TNKS: variants seen among roughly 807,000 people sequenced by gnomAD.
TNKS encodes the protein tankyrase.
A neutral mutation model predicts 135.8 loss-of-function variants in TNKS; 72 were observed. That is an observed-to-expected ratio of 0.53 (90% CI 0.44 to 0.64). TNKS has a LOEUF of 0.64. Among genes scored for constraint, TNKS ranks in the 30% least tolerant of loss-of-function variants. The pLI is 0.00. For missense variants in TNKS, 1,769 were observed against 1,674.0 expected (o/e 1.06, Z -0.99); for synonymous variants, 849 against 649.3 (o/e 1.31, Z -4.68).
At chr8:9,751,477 G>T (rs1033292480) in intron 18 of TNKS, 132 bp from the exon 19 acceptor site, 3 of 707,232 alleles carry the variant, frequency 4.2e-6, no homozygotes, top group Non-Finnish European at 7.0e-6. Flanking sequence ...GAGAAGGAAT[G>T]ATCAAAAACC....
At chr8:9,740,120 G>T (rs1286396163) in intron 17 of TNKS, among the ~76,000 whole-genome samples, 6 of 145,646 alleles carry the variant, frequency 4.1e-5, no homozygotes, top group South Asian at 4.6e-4. Context: ...GTCATCAGTT[G>T]TAAGAGGAAG....
In TNKS at chr8:9,763,220, A is replaced by G. The variant is rs758224154; in HGVS notation, c.3348A>G (p.Lys1116=). 6.2e-7 allele frequency: 1 copy of G among 1,609,302 alleles called. No homozygotes were observed. The highest frequency in any genetic ancestry group is 2.2e-5 in the East Asian group (1 of 44,832). ...TGCTGGATCTTGCTCCAGAAGATAAAGAATATCAGTCAGTGGAAGAAGAGG... is the reference window on the plus strand; with the variant it reads ...TGCTGGATCTTGCTCCAGAAGATAAGGAATATCAGTCAGTGGAAGAAGAGG... ...TILLDLAPED[K]EYQSVEEEMQ... Residue 1116 remains lysine, a synonymous_variant, in exon 22 of 27, where the codon AAA becomes AAG. Transcript: ENST00000310430.
intron 3 of TNKS, among the ~76,000 whole-genome samples, chr8:9,661,195 G>C (rs1412341815): frequency 6.6e-6 from 1 of 151,916 alleles, no homozygotes; most frequent in African/African-American, 2.4e-5. Context: ...TCCCCATCAA[G>C]CTACCAATGA....
At chr8:9,732,606 A>T (rs9644707) in intron 14 of TNKS, among the ~76,000 whole-genome samples, 89,130 of 150,868 alleles carry the variant, frequency 0.59, 26,563 homozygotes, top group Middle Eastern at 0.71. Flanking sequence ...AATGCACTTG[A>T]TACTTTGCTT....
intron 20 of TNKS, among the ~76,000 whole-genome samples, chr8:9,760,662 C>A (rs186326477): frequency 3.3e-5 from 5 of 152,104 alleles, no homozygotes; most frequent in Non-Finnish European, 5.9e-5. Flanking sequence ...ATGTGGCTAC[C>A]CGCGTTCATC....
At chr8:9,683,120 T>C (rs1802851962) in intron 5 of TNKS, among the ~76,000 whole-genome samples, 1 of 152,058 alleles carries the variant, frequency 6.6e-6, no homozygotes, top group Admixed American at 6.6e-5. Flanking sequence ...CCTATTTAGA[T>C]ATTATTCTCA....
chr8:9,589,550 TA>T (rs897141798), intron 2 of TNKS, among the ~76,000 whole-genome samples: 4 of 152,232 alleles, frequency 2.6e-5, no homozygotes, highest in African/African-American at 9.6e-5. Context: ...CTCTTGTTGC[TA>T]AACCTGAGAT....
At chr8:9,675,466 A>G (rs1384288200) in intron 3 of TNKS, among the ~76,000 whole-genome samples, 3 of 152,194 alleles carry the variant, frequency 2.0e-5, no homozygotes, top group Non-Finnish European at 4.4e-5. Flanking sequence ...TTCAGAAATT[A>G]AGGTATGCTA....
intron 3 of TNKS, among the ~76,000 whole-genome samples, chr8:9,617,918 A>G (rs1453595606): frequency 6.6e-6 from 1 of 151,924 alleles, no homozygotes; most frequent in African/African-American, 2.4e-5. Flanking sequence ...GCATTAGTCT[A>G]AACTGTGTAC....
At chr8:9,767,826 G>A (rs1350555225) in intron 25 of TNKS, among the ~76,000 whole-genome samples, 1 of 152,010 alleles carries the variant, frequency 6.6e-6, no homozygotes, top group African/African-American at 2.4e-5. Flanking sequence ...GGGCGTGGTG[G>A]CAGGCGCTTG....
rs1464755377 is a variant in TNKS at position 9,621,867 on chromosome 8, TA to T, written c.994+6191del. On this transcript the variant is annotated intron_variant, in intron 3 of 26. Transcript: ENST00000310430. ...GTATATTTATCTATATGAATTTTAT[TA>T]GGGGAAGTTATTTTTATAATAAGAT... Among the ~76,000 whole-genome samples the T allele has an allele frequency of 2.6e-4, 40 of 152,282 alleles. No individual in the cohort carries two copies. In the East Asian group the frequency reaches 5.0e-3, roughly 19 times the overall value.
At chr8:9,736,232 C>T (rs918785068) in intron 17 of TNKS, among the ~76,000 whole-genome samples, 6 of 150,630 alleles carry the variant, frequency 4.0e-5, no homozygotes, top group South Asian at 2.1e-4. Flanking sequence ...TAAAAATATT[C>T]GAGTAGCAGG....
At chr8:9,725,949 C>T (rs1475119131) in intron 12 of TNKS, among the ~76,000 whole-genome samples, 1 of 152,172 alleles carries the variant, frequency 6.6e-6, no homozygotes, top group Non-Finnish European at 1.5e-5. Context: ...ATCATACCTC[C>T]AATTATACAA....
At chr8:9,578,231 T>A (rs1798033969) in intron 1 of TNKS, among the ~76,000 whole-genome samples, 1 of 152,208 alleles carries the variant, frequency 6.6e-6, no homozygotes, top group Non-Finnish European at 1.5e-5. Flanking sequence ...AGAAGGAGAA[T>A]AATTCAACCT....
At chr8:9,620,362 G>GC (rs1388230297) in intron 3 of TNKS, among the ~76,000 whole-genome samples, 2 of 152,086 alleles carry the variant, frequency 1.3e-5, no homozygotes, top group Non-Finnish European at 2.9e-5. Context: ...TTAGCCCTGG[G>GC]CCACACCTTC....
intron 26 of TNKS, among the ~76,000 whole-genome samples, chr8:9,774,584 T>C (rs1257492673): frequency 6.6e-6 from 1 of 152,236 alleles, no homozygotes; most frequent in Non-Finnish European, 1.5e-5. Context: ...GCCCTTCTAG[T>C]TCTGCAGTTC....
At chr8:9,592,415 T>C (rs1798621193) in intron 2 of TNKS, among the ~76,000 whole-genome samples, 1 of 152,230 alleles carries the variant, frequency 6.6e-6, no homozygotes, top group South Asian at 2.1e-4. Flanking sequence ...AGACAGGAAA[T>C]ACAAACAGAT....
Position 9,632,398 on chromosome 8 carries a change from G to C in TNKS, c.994+16721G>C, listed in dbSNP as rs567449792. On this transcript the variant is annotated intron_variant, in intron 3 of 26. Transcript: ENST00000310430. ...TTCACCAATTATTAACGTATTTCAG[G>C]GTGTATTTCTTATTCTTTTCCCTCT... Among the ~76,000 whole-genome samples the C allele has an allele frequency of 2.6e-5, 4 of 151,998 alleles. No individual in the cohort carries two copies. The South Asian group carries it at 6.2e-4, about 24-fold the overall frequency.
At chr8:9,713,208 A>G (rs1386082331) in intron 11 of TNKS, among the ~76,000 whole-genome samples, 2 of 152,190 alleles carry the variant, frequency 1.3e-5, no homozygotes, top group African/African-American at 2.4e-5. Context: ...GCATTATTAT[A>G]TAAGTAGCAT....
Sources: allele counts gnomAD v4.1 joint callset (sites outside exome capture counted in the v4.1 genomes callset), GRCh38; gene constraint gnomAD v4.1.1; transcripts MANE v1.5; gene names NCBI Gene and HGNC (gene_info 2026-07-23, HGNC 2026-07-21).